CHSY3: variants seen among roughly 807,000 people sequenced by gnomAD.
CHSY3 encodes chondroitin sulfate synthase 3.
A neutral mutation model predicts 67.2 loss-of-function variants in CHSY3; 35 were observed. The ratio of observed to expected loss-of-function variants is 0.52; its 90% CI spans 0.40 to 0.69. CHSY3 has a LOEUF of 0.69. Ranked by LOEUF, CHSY3 falls within the 30% of genes least tolerant of loss-of-function variation. CHSY3 has a pLI of 0.00. For missense variants in CHSY3, 1,069 were observed against 1,138.5 expected (o/e 0.94, Z 0.88); for synonymous variants, 474 against 434.7 (o/e 1.09, Z -1.12).
At chr5:130,052,124 G>C (rs1045519263) in intron 2 of CHSY3, 1 of 152,102 alleles carries the variant, frequency 6.6e-6, no homozygotes, top group Middle Eastern at 3.2e-3. Flanking sequence ...GCCATAGATG[G>C]TCATTCCCAC....
intron 2 of CHSY3, among the ~76,000 whole-genome samples, chr5:129,982,061 A>G (rs558018273): frequency 6.6e-6 from 1 of 152,262 alleles, no homozygotes; most frequent in East Asian, 1.9e-4. Flanking sequence ...TGGTTGTGGC[A>G]TACAATTCTT....
rs1233187246 is a variant in CHSY3, at chr5:130,160,907, T to A, written c.1087-23322T>A. 6.5e-3 allele frequency among the ~76,000 whole-genome samples: 862 copies of A among 133,068 alleles called. 10 individuals carry two copies. Among genetic ancestry groups the A allele is most frequent in the African/African-American group, 0.027 (765 of 28,596 alleles). 87.3% of individuals were successfully genotyped at this position (133,068 alleles called of 152,430 possible). ...TATTTATTTATTTATTTTTTTTTTT[T>A]TATTTTTTTTTTTTTGAGACGGAGT... On this transcript the variant is annotated intron_variant, in intron 2 of 2. Transcript: ENST00000305031.
chr5:129,991,677 G>C (rs1433283411), intron 2 of CHSY3, among the ~76,000 whole-genome samples: 1 of 152,066 alleles, frequency 6.6e-6, no homozygotes, highest in African/African-American at 2.4e-5. Flanking sequence ...AGCAGCCATG[G>C]GTAGTGCCTT....
intron 2 of CHSY3, among the ~76,000 whole-genome samples, chr5:129,984,779 T>C (rs957435628): frequency 6.6e-6 from 1 of 152,124 alleles, no homozygotes; most frequent in Non-Finnish European, 1.5e-5. Context: ...ATTAGAAATA[T>C]TGAGCATTTT....
chr5:130,139,119 G>A (rs774961571), intron 2 of CHSY3, among the ~76,000 whole-genome samples: 1 of 152,150 alleles, frequency 6.6e-6, no homozygotes, highest in Non-Finnish European at 1.5e-5. Context: ...AAGTTAATTT[G>A]TTGCCCTAAA....
intron 2 of CHSY3, among the ~76,000 whole-genome samples, chr5:130,075,846 A>G (rs1580708901): frequency 6.6e-6 from 1 of 152,138 alleles, no homozygotes; most frequent in Non-Finnish European, 1.5e-5. Context: ...TTGCTATCCC[A>G]GTACCTCAAA....
At chr5:129,953,875 A>G (rs1762096034) in intron 2 of CHSY3, among the ~76,000 whole-genome samples, 1 of 152,102 alleles carries the variant, frequency 6.6e-6, no homozygotes, top group Non-Finnish European at 1.5e-5. Flanking sequence ...GATTCTGGAT[A>G]TTAGCCCTTT....
chr5:129,925,076 C>G (rs529384851), intron 2 of CHSY3, among the ~76,000 whole-genome samples: 1 of 152,214 alleles, frequency 6.6e-6, no homozygotes, highest in East Asian at 1.9e-4. Context: ...ATCACAAACT[C>G]TGAGAAGAAA....
chr5:130,185,846 T>A lies in CHSY3; in HGVS notation c.*55T>A. ...AAGGGGAGTTTACCTCATTGTTGGT[T>A]GTTGTTATTTTTATTGTATTATTGT... On this transcript the variant is annotated 3_prime_UTR_variant, in exon 3 of 3. Coordinates refer to ENST00000305031, the MANE Select transcript of CHSY3 (RefSeq NM_175856.5). The A allele has an allele frequency of 9.1e-7, 1 of 1,096,784 alleles. No homozygotes were observed. The highest frequency in any genetic ancestry group is 1.3e-6 in the Non-Finnish European group (1 of 790,206). 67.9% of individuals were successfully genotyped at this position (1,096,784 alleles called of 1,614,324 possible).
Position 130,063,625 on chromosome 5 carries a change from A to T in CHSY3, c.1087-120604A>T, listed in dbSNP as rs139701077. On this transcript the variant is annotated intron_variant, in intron 2 of 2. Transcript: ENST00000305031. ...CAGGAGTTCTGTTACGTCTTAGTGC[A>T]TTTGTGCTACCACAACCGAATACCA... Among the ~76,000 whole-genome samples, 26 of 152,260 alleles carry T rather than the reference A, an allele frequency of 1.7e-4. No homozygotes were observed. The East Asian group carries it at 5.0e-3, about 29-fold the overall frequency.
At chr5:130,030,308 G>T (rs987570163) in intron 2 of CHSY3, among the ~76,000 whole-genome samples, 1 of 152,168 alleles carries the variant, frequency 6.6e-6, no homozygotes, top group East Asian at 1.9e-4. Flanking sequence ...TTTTAAAATT[G>T]CTTCCAGTAA....
chr5:129,994,996 A>G (rs909250227), intron 2 of CHSY3, among the ~76,000 whole-genome samples: 3 of 152,092 alleles, frequency 2.0e-5, no homozygotes, highest in African/African-American at 4.8e-5. Context: ...ATGTATACCT[A>G]TGTAACTAAC....
intron 2 of CHSY3, among the ~76,000 whole-genome samples, chr5:130,179,894 A>C (rs1770194709): frequency 6.6e-6 from 1 of 152,188 alleles, no homozygotes; most frequent in Admixed American, 6.5e-5. Context: ...TCCACAAAGA[A>C]AAGACATAGA....
rs1770336968 is a variant in CHSY3 at position 130,184,212 on chromosome 5, T to C, written c.1087-17T>C. ...TCTTTTAAAATTAACCCTGATTTTT[T>C]TAATTTTACTTTTCAGATGCAACAA... On this transcript the variant is annotated splice_polypyrimidine_tract_variant and intron_variant, in intron 2 of 2. Transcript: ENST00000305031. The C allele has an allele frequency of 6.9e-7, 1 of 1,456,252 alleles. No homozygotes were observed. Among genetic ancestry groups the C allele is most frequent in the Non-Finnish European group, 9.1e-7 (1 of 1,101,958 alleles). The allele number at this position is 1,456,252 out of a possible 1,614,324, so 90.2% of individuals were successfully genotyped here.
In CHSY3 at chr5:129,905,486, A is replaced by T. The variant is rs1380066951; in HGVS notation, c.657A>T (p.Pro219=). The change falls in exon 1 of 3, where the codon CCA becomes CCT. Residue 219 remains proline (P), a synonymous_variant. Coordinates refer to ENST00000305031, the MANE Select transcript of CHSY3 (RefSeq NM_175856.5). ...CCCCCAACGCCGGCCAGCCCCCGCCACCCCTGCCTGTCATCGCGCTACCGG... is the reference window on the plus strand; with the variant it reads ...CCCCCAACGCCGGCCAGCCCCCGCCTCCCCTGCCTGTCATCGCGCTACCGG... ...QQPPNAGQPP[P]PLPVIALPGV... The T allele has an allele frequency of 1.2e-6, 2 of 1,612,486 alleles. No homozygotes were observed. Among genetic ancestry groups the T allele is most frequent in the African/African-American group, 2.7e-5 (2 of 74,790 alleles).
chr5:130,156,525 T>A (rs1158252649), intron 2 of CHSY3, among the ~76,000 whole-genome samples: 2 of 152,156 alleles, frequency 1.3e-5, no homozygotes. Context: ...AAAGGCTGAG[T>A]GATTTGAATG....
rs534534103 is a variant in CHSY3 at position 130,019,742 on chromosome 5, C to T, written c.1086+111382C>T. 2.6e-4 allele frequency among the ~76,000 whole-genome samples: 39 copies of T among 152,302 alleles called. No individual in the cohort carries two copies. In the South Asian group the frequency reaches 5.0e-3, roughly 19 times the overall value. ...CAGAAAATTTTATAAATTTCTTATT[C>T]AGTGTAGCTGCATCAGTTTGAGCAA... On this transcript the variant is annotated intron_variant, in intron 2 of 2. Transcript: ENST00000305031.
In CHSY3 at chr5:129,932,103, CATATATAT is replaced by C. The variant is rs33960181; in HGVS notation, c.1086+23776_1086+23783del. Among the ~76,000 whole-genome samples the C allele has an allele frequency of 5.4e-3, 619 of 115,024 alleles. 10 individuals carry two copies. The highest frequency in any genetic ancestry group is 0.021 in the African/African-American group (564 of 26,306). 75.5% of individuals were successfully genotyped at this position (115,024 alleles called of 152,430 possible). The stretch of plus-strand genomic sequence containing the variant: ...CCATATGTAATGTAAACCATAAAAC[CATATATAT>C]ATATATATATATATATATATATATA... On this transcript the variant is annotated intron_variant, in intron 2 of 2. Transcript: ENST00000305031.
chr5:129,996,177 G>A (rs971195431), intron 2 of CHSY3, among the ~76,000 whole-genome samples: 4 of 152,150 alleles, frequency 2.6e-5, no homozygotes, highest in Non-Finnish European at 4.4e-5. Context: ...TCTGGGAAGT[G>A]CCTAACAACA....
Sources: gnomAD v4.1 joint callset for allele counts (sites outside exome capture counted in the v4.1 genomes callset) on GRCh38, gnomAD v4.1.1 for gene constraint, MANE v1.5 for transcripts, NCBI Gene and HGNC (gene_info 2026-07-23, HGNC 2026-07-21) for gene names.